Variants in SSBP3 observed in about 807,000 individuals in gnomAD.
SSBP3 encodes single stranded DNA binding protein 3.
In SSBP3, 5 loss-of-function variants were observed where a neutral mutation model predicts 69.6. The ratio of observed to expected loss-of-function variants is 0.07; its 90% confidence interval spans 0.04 to 0.15. SSBP3 has a LOEUF of 0.15. SSBP3 is among the 10% of genes least tolerant of loss of function. SSBP3 has a pLI of 1.00. For missense variants in SSBP3, 312 were observed against 534.0 expected (o/e 0.58, Z 4.10); for synonymous variants, 196 against 193.4 (o/e 1.01, Z -0.11).
intron 10 of SSBP3, 103 bp downstream of exon 10, chr1:54,243,132 G>A (rs903196630): frequency 4.0e-6 from 4 of 1,008,180 alleles, no homozygotes; most frequent in South Asian, 2.6e-5. Flanking sequence ...GAGGTCCAGA[G>A]AGGTACCAGC....
chr1:54,315,656 ATC>A (rs1177547210), intron 4 of SSBP3, among the ~76,000 whole-genome samples: 1 of 151,148 alleles, frequency 6.6e-6, no homozygotes, highest in Non-Finnish European at 1.5e-5. Context: ...CAGTAGTGTG[ATC>A]TCTGTCTTTA....
chr1:54,267,550 T>C (rs1645123536), intron 5 of SSBP3, among the ~76,000 whole-genome samples: 1 of 152,136 alleles, frequency 6.6e-6, no homozygotes, highest in African/African-American at 2.4e-5. Flanking sequence ...AATGAACAGG[T>C]GTCTCCTGGC....
At chr1:54,241,349 A>T in intron 12 of SSBP3, 125 bp downstream of exon 12, 1 of 1,098,364 alleles carries the variant, frequency 9.1e-7, no homozygotes, top group Non-Finnish European at 1.4e-6. Flanking sequence ...AGCAAGTTCT[A>T]GCAGTTTGGA....
At chr1:54,245,410 C>T (rs540050000) in intron 9 of SSBP3, among the ~76,000 whole-genome samples, 7 of 152,228 alleles carry the variant, frequency 4.6e-5, no homozygotes, top group African/African-American at 1.2e-4. Flanking sequence ...AAGAAACTGG[C>T]GGGAGGCGGG....
chr1:54,383,878 G>A (rs936829752), intron 4 of SSBP3, among the ~76,000 whole-genome samples: 37 of 152,076 alleles, frequency 2.4e-4, no homozygotes, highest in East Asian at 9.7e-4. Context: ...AGGCCGAGGC[G>A]GGCGGATCAC....
chr1:54,231,317 T>A (rs1252626443), intron 14 of SSBP3, among the ~76,000 whole-genome samples: 1 of 152,250 alleles, frequency 6.6e-6, no homozygotes, highest in East Asian at 1.9e-4. Context: ...CTCATGTGCT[T>A]ACTGGCTATT....
At chr1:54,386,695 T>TTTTTTTTG (rs1648113312) in intron 4 of SSBP3, among the ~76,000 whole-genome samples, 1 of 140,138 alleles carries the variant, frequency 7.1e-6, no homozygotes, top group Admixed American at 7.2e-5. Context: ...TTTTTTTTTT[T>TTTTTTTTG]TTTTTTTTTA....
chr1:54,317,922 C>T (rs145292956), intron 4 of SSBP3, among the ~76,000 whole-genome samples: 9,132 of 152,228 alleles, frequency 0.06, 428 homozygotes, highest in South Asian at 0.23. Context: ...CCTGCCACCA[C>T]GCCTGGCTAA....
rs6698260 is a variant in SSBP3, at chr1:54,307,908, G to T, written c.277-26381C>A. Among the ~76,000 whole-genome samples the T allele has an allele frequency of 5.7e-3, 857 of 150,708 alleles. 4 individuals are homozygous for T. Among genetic ancestry groups the T allele is most frequent in the Non-Finnish European group, 9.1e-3 (620 of 68,018 alleles). ...TAAAAATGAGCAATCAGCAGCCCTC[G>T]GGGCTGCTCTGTCTATAGAGTAACC... On this transcript the variant is annotated intron_variant, in intron 4 of 17. Coordinates refer to ENST00000610401, the Ensembl canonical transcript of SSBP3.
At chr1:54,357,172 G>A (rs888015122) in intron 4 of SSBP3, among the ~76,000 whole-genome samples, 5 of 152,270 alleles carry the variant, frequency 3.3e-5, no homozygotes, top group Non-Finnish European at 5.9e-5. Context: ...GAGGGGAAGG[G>A]AGAAAAGGAA....
intron 5 of SSBP3, among the ~76,000 whole-genome samples, chr1:54,259,315 T>C (rs1644977386): frequency 6.6e-6 from 1 of 152,126 alleles, no homozygotes; most frequent in Non-Finnish European, 1.5e-5. Context: ...GAGAGCTTTG[T>C]GTATTTTAAG....
intron 4 of SSBP3, among the ~76,000 whole-genome samples, chr1:54,384,202 C>G (rs1373592760): frequency 6.6e-6 from 1 of 151,570 alleles, no homozygotes; most frequent in African/African-American, 2.4e-5. Flanking sequence ...GCTGGGTTAA[C>G]TGAACAGAGA....
rs1252939065 is a variant in SSBP3 at position 54,316,503 on chromosome 1, C to T, written c.277-34976G>A. ...AAATACAAAAAAAATTAGCCGGGCG[C>T]GGTGGCGGGCGCCTGTAGTCCCAGC... On this transcript the variant is annotated intron_variant, in intron 4 of 17. Transcript: ENST00000610401. Among the ~76,000 whole-genome samples, 10 of 143,716 alleles carry T rather than the reference C, an allele frequency of 7.0e-5. No homozygotes were observed. The South Asian group carries it at 9.0e-4, about 13-fold the overall frequency. The allele number at this position is 143,716 out of a possible 152,430, so 94.3% of individuals were successfully genotyped here. A position where few individuals can be genotyped will look rare whatever the true frequency, so the allele number is the denominator to read the frequency against.
chr1:54,255,158 C>G (rs116798891), intron 7 of SSBP3, among the ~76,000 whole-genome samples: 1,487 of 63,312 alleles, frequency 0.023, no homozygotes, highest in Non-Finnish European at 0.028. Flanking sequence ...TGCGGGGGGG[C>G]GGGGGGGGGG....
At chr1:54,393,048 A>C (rs1323444272) in intron 4 of SSBP3, among the ~76,000 whole-genome samples, 1 of 152,222 alleles carries the variant, frequency 6.6e-6, no homozygotes, top group Non-Finnish European at 1.5e-5. Context: ...GTATGGTACC[A>C]AGCGGGAATC....
At chr1:54,228,954 C>T in intron 14 of SSBP3, 128 bp from the exon 15 acceptor site, 1 of 954,622 alleles carries the variant, frequency 1.0e-6, no homozygotes, top group Middle Eastern at 2.3e-4. Context: ...GCTCTGCTCA[C>T]ACTCGGACAT....
chr1:54,397,610 C>G (rs1461159432), intron 4 of SSBP3, among the ~76,000 whole-genome samples: 1 of 152,014 alleles, frequency 6.6e-6, no homozygotes, highest in Non-Finnish European at 1.5e-5. Context: ...CACACAACAG[C>G]CAAGATGAAA....
At chr1:54,307,914 GCT>G (rs1186423877) in intron 4 of SSBP3, among the ~76,000 whole-genome samples, 1 of 152,192 alleles carries the variant, frequency 6.6e-6, no homozygotes, top group Non-Finnish European at 1.5e-5. Context: ...CCTCGGGGCT[GCT>G]CTGTCTATAG....
Position 54,255,169 on chromosome 1 carries a change from G to T in SSBP3, c.507+1958C>A, listed in dbSNP as rs1207174198. On this transcript the variant is annotated intron_variant, in intron 7 of 17. Coordinates refer to ENST00000610401, the Ensembl canonical transcript of SSBP3. ...CTATTGCGGGGGGGCGGGGGGGGGG[G>T]TGGTTGGCAGGGAGGTTGGGAAAAC... is the stretch of plus-strand genomic sequence containing the variant. Among the ~76,000 whole-genome samples the T allele has an allele frequency of 1.4e-3, 177 of 122,400 alleles. 2 individuals are homozygous for T. The highest frequency in any genetic ancestry group is 2.3e-3 in the Non-Finnish European group (133 of 58,626). The allele number at this position is 122,400 out of a possible 152,430, so 80.3% of individuals were successfully genotyped here. A position where few individuals can be genotyped will look rare whatever the true frequency, so the allele number is the denominator to read the frequency against.
Sources: allele counts gnomAD v4.1 joint callset (sites outside exome capture counted in the v4.1 genomes callset), GRCh38; gene constraint gnomAD v4.1.1; transcripts MANE v1.5; gene names NCBI Gene and HGNC (gene_info 2026-07-23, HGNC 2026-07-21).